Variants in MDM2 observed in about 807,000 individuals in gnomAD.
MDM2 encodes MDM2 proto-oncogene.
Under a neutral mutation model 64.3 loss-of-function variants are expected in MDM2, and 11 were observed. The ratio of observed to expected loss-of-function variants is 0.17; its 90% CI spans 0.11 to 0.28. The LOEUF (loss-of-function observed/expected upper bound fraction) is 0.28, where lower values mean the gene tolerates loss of function less well. Ranked by LOEUF, MDM2 falls within the 10% of genes least tolerant of loss-of-function variation. The probability of loss-of-function intolerance (pLI) is 1.00; values close to 1 mark genes in which losing one functional copy is unlikely to be tolerated. For synonymous variants in MDM2, 194 were observed against 192.9 expected, an observed-to-expected ratio of 1.01 and a Z score of -0.05; for missense variants, 388 against 577.1, an observed-to-expected ratio of 0.67 and a Z score of 3.36.
In MDM2 at chr12:68,808,196, G is replaced by A. The variant is rs1306258535; in HGVS notation, c.-282G>A. 1 of 512,698 alleles carries A rather than the reference G, an allele frequency of 2.0e-6. No individual in the cohort carries two copies. The highest frequency in any genetic ancestry group is 3.4e-6 in the Non-Finnish European group (1 of 292,004). 31.8% of individuals were successfully genotyped at this position (512,698 alleles called of 1,614,324 possible). A position where few individuals can be genotyped will look rare whatever the true frequency, so the allele number is the denominator to read the frequency against. Reference sequence around the variant, plus strand: ...GGTAGGGGGCGCGCACCGAGGCACCGCGGCGAGCTTGGCTGCTTCTGGGGC... The same window carrying A: ...GGTAGGGGGCGCGCACCGAGGCACCACGGCGAGCTTGGCTGCTTCTGGGGC... On this transcript the variant is annotated 5_prime_UTR_variant, in exon 1 of 11. Transcript: ENST00000258149.
intron 10 of MDM2, 39 bp from the exon 11 acceptor site, chr12:68,839,235 G>T: frequency 6.3e-7 from 1 of 1,579,816 alleles, no homozygotes; most frequent in Non-Finnish European, 8.6e-7. Flanking sequence ...AGCAGTTAAA[G>T]GGTTACAGAA....
chr12:68,833,765 C>T (rs1883094306), intron 8 of MDM2, among the ~76,000 whole-genome samples: 1 of 152,072 alleles, frequency 6.6e-6, no homozygotes, highest in African/African-American at 2.4e-5. Context: ...GGTGATGGGC[C>T]ACAGTTTGCA....
intron 4 of MDM2, 59 bp downstream of exon 4, chr12:68,817,004 T>C: frequency 6.4e-7 from 1 of 1,556,212 alleles, no homozygotes; most frequent in Non-Finnish European, 8.7e-7. Context: ...TCAGTTCACC[T>C]CTACCCTCAT....
At chr12:68,847,113 T>TAA (rs1884347264), downstream of MDM2, 1 of 144,654 alleles carries the variant, frequency 6.9e-6, no homozygotes, top group Non-Finnish European at 1.5e-5. Context: ...CATGCCTGGC[T>TAA]AATATATATA....
intron 2 of MDM2, among the ~76,000 whole-genome samples, chr12:68,811,175 T>G (rs1880858302): frequency 1.3e-5 from 2 of 152,200 alleles, no homozygotes; most frequent in South Asian, 2.1e-4. Context: ...TCCATTTTGT[T>G]AAGTCATTTA....
intron 8 of MDM2, among the ~76,000 whole-genome samples, chr12:68,832,145 TTTC>T (rs928891088): frequency 6.6e-6 from 1 of 152,208 alleles, no homozygotes; most frequent in African/African-American, 2.4e-5. Context: ...CCAGTTTTTT[TTTC>T]TTCTTCGTTT....
chr12:68,827,803 A>G (rs545589949), intron 7 of MDM2, among the ~76,000 whole-genome samples: 3 of 152,344 alleles, frequency 2.0e-5, no homozygotes, highest in Admixed American at 6.5e-5. Flanking sequence ...TGAAATGGAA[A>G]CTTTTTACTG....
At chr12:68,831,995 G>A (rs550219273) in intron 8 of MDM2, among the ~76,000 whole-genome samples, 10 of 152,248 alleles carry the variant, frequency 6.6e-5, no homozygotes, top group African/African-American at 1.7e-4. Context: ...GCTTGAACCC[G>A]GGAGGCGGAG....
chr12:68,831,052 GAT>G (rs1882750502), intron 8 of MDM2, among the ~76,000 whole-genome samples: 1 of 152,268 alleles, frequency 6.6e-6, no homozygotes, highest in East Asian at 1.9e-4. Context: ...CTAGCTGAAT[GAT>G]ATTTAGAGTC....
At chr12:68,826,705 G>A (rs1402500921) in intron 7 of MDM2, among the ~76,000 whole-genome samples, 4 of 150,794 alleles carry the variant, frequency 2.7e-5, no homozygotes, top group Non-Finnish European at 2.9e-5. Context: ...CATTATCCTA[G>A]TAACTCCATT....
rs1371103831 is a variant in MDM2 at position 68,841,361 on chromosome 12, T to C, written c.*1512T>C. Reference sequence around the variant, plus strand: ...ATCCTCCTGTCTTGGCCTCGCAAAGTGCTAAGTAGGATTACAGGCGTTAGC... The same window carrying C: ...ATCCTCCTGTCTTGGCCTCGCAAAGCGCTAAGTAGGATTACAGGCGTTAGC... On this transcript the variant is annotated 3_prime_UTR_variant, in exon 11 of 11. Transcript: ENST00000258149. The C allele has an allele frequency of 4.8e-6, 1 of 208,136 alleles. No individual in the cohort carries two copies. Among genetic ancestry groups the C allele is most frequent in the Non-Finnish European group, 9.8e-6 (1 of 102,222 alleles). 12.9% of individuals were successfully genotyped at this position (208,136 alleles called of 1,614,324 possible). A position where few individuals can be genotyped will look rare whatever the true frequency, so the allele number is the denominator to read the frequency against.
chr12:68,814,195 G>A (rs1881154160), intron 3 of MDM2, among the ~76,000 whole-genome samples: 1 of 152,134 alleles, frequency 6.6e-6, no homozygotes, highest in Admixed American at 6.6e-5. Flanking sequence ...TGGGATTATA[G>A]GCACCTGCCA....
downstream of MDM2, chr12:68,847,147 C>CATATAT (rs63483363): frequency 8.3e-6 from 1 of 120,620 alleles, no homozygotes; most frequent in South Asian, 2.3e-4. Flanking sequence ...ACATATATTA[C>CATATAT]ATATATATAT....
chr12:68,811,729 G>A (rs1192051771), intron 2 of MDM2, among the ~76,000 whole-genome samples: 1 of 151,298 alleles, frequency 6.6e-6, no homozygotes, highest in East Asian at 1.9e-4. Context: ...AGCCTCCCGA[G>A]TAGCTGGGAT....
chr12:68,838,600 G>A lies in MDM2; in HGVS notation c.919-674G>A, dbSNP rs1002090337. On this transcript the variant is annotated intron_variant, in intron 10 of 10. Transcript: ENST00000258149. ...ACTTCTAAGGTAGTTCTAGTCACTGGTGGATTAGGAAGTCTTTCTCGAGGA... is the reference window on the plus strand; with the variant it reads ...ACTTCTAAGGTAGTTCTAGTCACTGATGGATTAGGAAGTCTTTCTCGAGGA... Among the ~76,000 whole-genome samples the A allele has an allele frequency of 3.9e-5, 6 of 152,178 alleles. No individual in the cohort carries two copies. The South Asian group carries it at 6.2e-4, about 16-fold the overall frequency.
At chr12:68,815,425 T>G (rs1420364601) in intron 3 of MDM2, among the ~76,000 whole-genome samples, 1 of 142,010 alleles carries the variant, frequency 7.0e-6, no homozygotes, top group Admixed American at 7.1e-5. Context: ...TGGGGCCAGT[T>G]TCTTCTTCTT....
downstream of MDM2, chr12:68,847,291 A>G (rs1378757022): frequency 7.0e-6 from 1 of 142,598 alleles, no homozygotes; most frequent in East Asian, 2.0e-4. Flanking sequence ...TCGTGTCTTG[A>G]CCTTGACCTC....
At chr12:68,848,857 C>T (rs186307552), downstream of MDM2, 1,336 of 151,298 alleles carry the variant, frequency 8.8e-3, 20 homozygotes, top group African/African-American at 0.031. Context: ...GAAATTCAGG[C>T]GCCTGCCACC....
Position 68,842,646 on chromosome 12 carries a change from C to T in MDM2, c.*2797C>T. 8.4e-6 allele frequency: 2 copies of T among 237,156 alleles called. No individual in the cohort carries two copies. Among genetic ancestry groups the T allele is most frequent in the Non-Finnish European group, 1.7e-5 (2 of 116,300 alleles). 14.7% of individuals were successfully genotyped at this position (237,156 alleles called of 1,614,324 possible). On this transcript the variant is annotated 3_prime_UTR_variant, in exon 11 of 11. Transcript: ENST00000258149. ...TAGTTACGCTATTTGGTTAATGGTA[C>T]TAGACAACATGTAATTAATGACATT...
Sources: allele counts gnomAD v4.1 joint callset (sites outside exome capture counted in the v4.1 genomes callset), GRCh38; gene constraint gnomAD v4.1.1; transcripts MANE v1.5; gene names NCBI Gene and HGNC (gene_info 2026-07-23, HGNC 2026-07-21).